LRRC53: variants seen among roughly 807,000 people sequenced by gnomAD.
LRRC53 encodes the protein leucine-rich repeat-containing protein 53.
LRRC53 carries 25 observed loss-of-function variants against 13.6 expected under a neutral mutation model. The ratio of observed to expected loss-of-function variants is 1.83; its 90% CI spans 1.34 to 2.56. LRRC53 has a LOEUF of 2.56. Ranked by LOEUF, LRRC53 falls within the 30% of genes most tolerant of loss-of-function variation. LRRC53 has a pLI of 0.00. For synonymous variants in LRRC53, 204 were observed against 109.8 expected (o/e 1.86, Z -5.37); for missense variants, 527 against 275.8 (o/e 1.91, Z -6.45).
intron 4 of LRRC53, among the ~76,000 whole-genome samples, chr1:74,473,558 T>C (rs1479567674): frequency 6.6e-6 from 1 of 151,782 alleles, no homozygotes; most frequent in Non-Finnish European, 1.5e-5. Flanking sequence ...TTTAACATTG[T>C]TAGGTGTTAG....
At chr1:74,473,155 G>T (rs1256256070) in intron 4 of LRRC53, among the ~76,000 whole-genome samples, 1 of 152,118 alleles carries the variant, frequency 6.6e-6, no homozygotes, top group Non-Finnish European at 1.5e-5. Context: ...GCTAGGCATT[G>T]TGCTCATAAT....
Position 74,470,955 on chromosome 1 carries a change from TG to T in LRRC53, c.2666del (p.Pro889HisfsTer30), listed in dbSNP as rs780093128. 40 of 400,632 alleles carry T rather than the reference TG, an allele frequency of 1.0e-4. No individual in the cohort carries two copies. Among genetic ancestry groups the T allele is most frequent in the Non-Finnish European group, 3.5e-5 (8 of 226,196 alleles). 24.8% of individuals were successfully genotyped at this position (400,632 alleles called of 1,614,324 possible). A position where few individuals can be genotyped will look rare whatever the true frequency, so the allele number is the denominator to read the frequency against. On this transcript the variant is annotated frameshift_variant, in exon 5 of 5. Transcript: ENST00000294635. LOFTEE classifies it low-confidence loss of function (END_TRUNC). ...TWENTGSDVL[P>X]FQHSRRATDQ... ...CAGTAGCCCTCCTGGAATGTTGGAA[TG>T]GTAAAACATCACTTCCTGTATTTTC...
rs941839848 is a variant in LRRC53, at chr1:74,480,675, G to A, written c.382C>T (p.Arg128Ter). ...ALRTLRGSWF[R>*]NTSGLTRLQL... ...AGCCGGGTCAGGCCGCTTGTGTTTCGGAACCAAGACCCTCGTAGGGTGCGG... is the reference window on the plus strand; with the variant it reads ...AGCCGGGTCAGGCCGCTTGTGTTTCAGAACCAAGACCCTCGTAGGGTGCGG... The change falls in exon 3 of 5, where the codon CGA becomes TGA. Residue 128 changes from arginine to a stop codon, truncating the protein, a stop_gained. Transcript: ENST00000294635. LOFTEE classifies it high-confidence loss of function. 8 of 717,160 alleles carry A rather than the reference G, an allele frequency of 1.1e-5. No individual in the cohort carries two copies. The highest frequency in any genetic ancestry group is 2.1e-5 in the Non-Finnish European group (8 of 385,096). 44.4% of individuals were successfully genotyped at this position (717,160 alleles called of 1,614,324 possible).
intron 3 of LRRC53, among the ~76,000 whole-genome samples, chr1:74,477,933 A>G (rs1049453734): frequency 1.3e-5 from 2 of 152,244 alleles, no homozygotes; most frequent in Admixed American, 6.5e-5. Flanking sequence ...TTACAGCTTC[A>G]TAAAAACTTT....
At chr1:74,474,661 C>T (rs916936341) in intron 4 of LRRC53, among the ~76,000 whole-genome samples, 3 of 152,096 alleles carry the variant, frequency 2.0e-5, no homozygotes, top group Non-Finnish European at 2.9e-5. Flanking sequence ...AAAAGGAAGA[C>T]GTTTAATTCA....
intron 1 of LRRC53, among the ~76,000 whole-genome samples, chr1:74,498,488 G>C (rs955358928): frequency 1.3e-5 from 2 of 151,922 alleles, no homozygotes; most frequent in African/African-American, 4.8e-5. Context: ...GTTTTGTTCA[G>C]GTGCCTACAA....
At chr1:74,524,534 A>G in the LRRC53 span, among the ~76,000 whole-genome samples, 1 of 152,090 alleles carries the variant, frequency 6.6e-6, no homozygotes, top group Non-Finnish European at 1.5e-5. Flanking sequence ...AGTCACATAA[A>G]TCTCTTCTGG....
Position 74,470,939 on chromosome 1 carries a change from TC to T in LRRC53, c.2682del (p.Arg895GlyfsTer24). ...TCCGTTGTCCCTTGGTCAGTAGCCC[TC>T]CTGGAATGTTGGAATGGTAAAACAT... ...GSDVLPFQHS[R>X]RATDQGTTES... On this transcript the variant is annotated frameshift_variant, in exon 5 of 5. Coordinates refer to ENST00000294635, the MANE Select transcript of LRRC53 (RefSeq NM_001382280.1). LOFTEE classifies it low-confidence loss of function (END_TRUNC). 2.5e-6 allele frequency: 1 copy of T among 400,720 alleles called. No homozygotes were observed. Among genetic ancestry groups the T allele is most frequent in the East Asian group, 3.6e-5 (1 of 28,070 alleles). The allele number at this position is 400,720 out of a possible 1,614,324, so 24.8% of individuals were successfully genotyped here. A position where few individuals can be genotyped will look rare whatever the true frequency, so the allele number is the denominator to read the frequency against.
chr1:74,522,614 GT>G, the LRRC53 span, among the ~76,000 whole-genome samples: 2 of 151,846 alleles, frequency 1.3e-5, no homozygotes, highest in East Asian at 3.9e-4. Context: ...GTAAGTAGCT[GT>G]TTTTCTGGTC....
the LRRC53 span, among the ~76,000 whole-genome samples, chr1:74,529,336 A>C: frequency 1.3e-5 from 2 of 152,330 alleles, no homozygotes; most frequent in East Asian, 1.9e-4. Context: ...AAAGATGCAT[A>C]ATTTGAATCT....
the LRRC53 span, among the ~76,000 whole-genome samples, chr1:74,532,538 A>G: frequency 5.3e-5 from 8 of 151,828 alleles, no homozygotes; most frequent in African/African-American, 1.5e-4. Context: ...GGTTAGTTAC[A>G]TATGCATACA....
At chr1:74,537,035 G>C in the LRRC53 span, among the ~76,000 whole-genome samples, 1 of 152,180 alleles carries the variant, frequency 6.6e-6, no homozygotes, top group Admixed American at 6.5e-5. Context: ...CCATCTGTCT[G>C]TCATCCTAGA....
At chr1:74,515,832 T>C (rs935929526), upstream of LRRC53, among the ~76,000 whole-genome samples, 4 of 152,208 alleles carry the variant, frequency 2.6e-5, no homozygotes, top group African/African-American at 9.7e-5. Flanking sequence ...CTAAATTGGC[T>C]ATTTCTTTAG....
intron 3 of LRRC53, among the ~76,000 whole-genome samples, chr1:74,479,763 ATATC>A (rs1668386564): frequency 6.6e-6 from 1 of 152,222 alleles, no homozygotes; most frequent in East Asian, 1.9e-4. Flanking sequence ...CAGTTTTTAA[ATATC>A]TATCTCCTAG....
rs567937968 is a variant in LRRC53, at chr1:74,501,368, C to T, written c.-27+11158G>A. ...AGGAGAGTTTAAAAAAAGCTGTAGACCTGCTCCATACTTTTCTTCTTTTAT... is the reference window on the plus strand; with the variant it reads ...AGGAGAGTTTAAAAAAAGCTGTAGATCTGCTCCATACTTTTCTTCTTTTAT... On this transcript the variant is annotated intron_variant, in intron 1 of 4. Transcript: ENST00000294635. 3.9e-5 allele frequency among the ~76,000 whole-genome samples: 6 copies of T among 152,304 alleles called. No homozygotes were observed. In the East Asian group the frequency reaches 9.6e-4, roughly 24 times the overall value.
chr1:74,512,901 T>TAAGG, upstream of LRRC53, among the ~76,000 whole-genome samples: 1 of 152,232 alleles, frequency 6.6e-6, no homozygotes, highest in Admixed American at 6.5e-5. Context: ...GGGGTCACTA[T>TAAGG]GTGATCACCT....
chr1:74,484,219 A>AG (rs1668641737), intron 1 of LRRC53, among the ~76,000 whole-genome samples: 1 of 151,578 alleles, frequency 6.6e-6, no homozygotes, highest in African/African-American at 2.4e-5. Context: ...GATTAAAAAA[A>AG]AAAAAACAAG....
chr1:74,514,090 A>G (rs1259536304), upstream of LRRC53, among the ~76,000 whole-genome samples: 2 of 152,214 alleles, frequency 1.3e-5, no homozygotes, highest in African/African-American at 2.4e-5. Flanking sequence ...TGCATAGCCA[A>G]ATTTACCCAG....
At chr1:74,502,861 C>T (rs1669705206) in intron 1 of LRRC53, among the ~76,000 whole-genome samples, 1 of 151,906 alleles carries the variant, frequency 6.6e-6, no homozygotes, top group African/African-American at 2.4e-5. Context: ...TCTGTATCTT[C>T]TTCAAAACAG....
Sources: allele counts gnomAD v4.1 joint callset (sites outside exome capture counted in the v4.1 genomes callset), GRCh38; gene constraint gnomAD v4.1.1; transcripts MANE v1.5; gene names NCBI Gene and HGNC (gene_info 2026-07-23, HGNC 2026-07-21).